The following GGACT variants were observed in gnomAD, a reference collection of about 807,000 sequenced individuals.
GGACT encodes gamma-glutamylamine cyclotransferase, also known as gamma-glutamylaminecyclotransferase.
For missense variants in GGACT, 241 were observed against 233.2 expected, an observed-to-expected ratio of 1.03 and a Z score of -0.22; for synonymous variants, 118 against 115.3, an observed-to-expected ratio of 1.02 and a Z score of -0.15.
At chr13:100,546,361 CA>C (rs778470021) in intron 2 of GGACT, among the ~76,000 whole-genome samples, 4,631 of 54,684 alleles carry the variant, frequency 0.085, 42 homozygotes, top group Admixed American at 0.11. Context: ...GACTCTGTCT[CA>C]AAAAAAAAAA....
intron 2 of GGACT, among the ~76,000 whole-genome samples, chr13:100,575,907 A>C (rs992722218): frequency 6.6e-6 from 1 of 152,256 alleles, no homozygotes; most frequent in Non-Finnish European, 1.5e-5. Context: ...TGGCAAAAGC[A>C]AACATGGCAC....
chr13:100,584,587 A>T (rs1875510786), intron 1 of GGACT, among the ~76,000 whole-genome samples: 1 of 152,218 alleles, frequency 6.6e-6, no homozygotes, highest in Non-Finnish European at 1.5e-5. Context: ...GACTATAGTC[A>T]GTAATAATGT....
At chr13:100,541,304 C>T (rs1594184516) in intron 2 of GGACT, among the ~76,000 whole-genome samples, 1 of 150,856 alleles carries the variant, frequency 6.6e-6, no homozygotes, top group African/African-American at 2.4e-5. Context: ...AAACAATCCA[C>T]TGTGCCATAA....
At position 100,534,827 on chromosome 13, in the gene GGACT, TCTC is replaced by T. The variant is rs2088468666; in HGVS notation, c.-10-2229_-10-2227del. Among the ~76,000 whole-genome samples the T allele has an allele frequency of 6.6e-6, 1 of 152,032 alleles. No homozygotes were observed. Among genetic ancestry groups the T allele is most frequent in the African/African-American group, 2.4e-5 (1 of 41,388 alleles). ...GCACCACCCAGAGGGTCCTTGTCAA[TCTC>T]CTGCTGCAGACTTAACTCTCCCACC... On this transcript the variant is annotated intron_variant, in intron 2 of 2. Transcript: ENST00000683975. This position sits in a 1 kb window ranked among gnomAD's most constrained non-coding sequence, Gnocchi z 4.9.
intron 2 of GGACT, among the ~76,000 whole-genome samples, chr13:100,551,590 G>A (rs186417165): frequency 2.8e-4 from 42 of 152,272 alleles, no homozygotes; most frequent in African/African-American, 1.0e-3. Context: ...CACCTTAAAA[G>A]TGTTCAACCC....
chr13:100,558,886 G>A (rs1429022845), intron 2 of GGACT, among the ~76,000 whole-genome samples: 1 of 152,110 alleles, frequency 6.6e-6, no homozygotes, highest in Non-Finnish European at 1.5e-5. Flanking sequence ...ACAGTTAGAT[G>A]AGAGGAGTTA....
chr13:100,544,543 G>C (rs569784393), intron 2 of GGACT, among the ~76,000 whole-genome samples: 2 of 152,182 alleles, frequency 1.3e-5, no homozygotes, highest in African/African-American at 4.8e-5. Flanking sequence ...CACCGGCCCC[G>C]GTAAAACGCT....
chr13:100,546,016 A>C (rs957529881), intron 2 of GGACT, among the ~76,000 whole-genome samples: 4 of 152,210 alleles, frequency 2.6e-5, no homozygotes, highest in African/African-American at 9.6e-5. Context: ...GTGTTGATAG[A>C]ATATGTGCAC....
At chr13:100,562,255 A>T (rs1360962561) in intron 2 of GGACT, among the ~76,000 whole-genome samples, 2 of 152,156 alleles carry the variant, frequency 1.3e-5, no homozygotes, top group East Asian at 3.9e-4. Flanking sequence ...ATTCTCTACA[A>T]CTAAGCTCGG....
chr13:100,578,874 T>C (rs1249989561), intron 2 of GGACT: 1 of 152,218 alleles, frequency 6.6e-6, no homozygotes, highest in African/African-American at 2.4e-5. Flanking sequence ...ATTAATTTTC[T>C]TTAACTTACC....
At chr13:100,535,913 C>A (rs2088484947) in intron 2 of GGACT, 2 of 152,180 alleles carry the variant, frequency 1.3e-5, no homozygotes, top group South Asian at 4.2e-4. Flanking sequence ...GTCCTCCCTG[C>A]CAGCTCTAGT....
chr13:100,546,430 C>T (rs1052818146), intron 2 of GGACT, among the ~76,000 whole-genome samples: 4 of 149,288 alleles, frequency 2.7e-5, no homozygotes, highest in South Asian at 4.4e-4. Flanking sequence ...TCTGTGATTC[C>T]ACGAGTTAAA....
At chr13:100,562,316 A>G (rs2088770157) in intron 2 of GGACT, among the ~76,000 whole-genome samples, 3 of 152,168 alleles carry the variant, frequency 2.0e-5, no homozygotes, top group East Asian at 1.9e-4. Context: ...TTAGTTTTGC[A>G]CAGAAAAAAA....
intron 2 of GGACT, among the ~76,000 whole-genome samples, chr13:100,544,084 G>A (rs1481721333): frequency 6.6e-6 from 1 of 152,210 alleles, no homozygotes; most frequent in African/African-American, 2.4e-5. Context: ...CACATGCGAT[G>A]TTGTGCACGT....
intron 1 of GGACT, among the ~76,000 whole-genome samples, chr13:100,586,502 C>T (rs1392320027): frequency 6.7e-6 from 1 of 149,634 alleles, no homozygotes; most frequent in Non-Finnish European, 1.5e-5. Context: ...CACCCCTCCT[C>T]TCGCGGAGTC....
At chr13:100,532,687 T>G (rs1455541715) in intron 2 of GGACT, 86 bp from the exon 3 acceptor site, 1 of 1,083,806 alleles carries the variant, frequency 9.2e-7, no homozygotes, top group Non-Finnish European at 1.3e-6. Flanking sequence ...CCACAGAGCC[T>G]CCACTGGGGC....
intron 2 of GGACT, among the ~76,000 whole-genome samples, chr13:100,560,714 G>A (rs975036705): frequency 5.3e-5 from 8 of 152,204 alleles, no homozygotes; most frequent in African/African-American, 1.9e-4. Flanking sequence ...AGCCTCCCCA[G>A]GTTTTATTCT....
intron 2 of GGACT, among the ~76,000 whole-genome samples, chr13:100,564,893 G>A (rs2088797880): frequency 6.6e-6 from 1 of 152,200 alleles, no homozygotes; most frequent in Non-Finnish European, 1.5e-5. Flanking sequence ...CCAAGGCCCA[G>A]GTCACCCTTC....
chr13:100,572,311 TG>T (rs1273532453), intron 2 of GGACT, among the ~76,000 whole-genome samples: 2 of 152,218 alleles, frequency 1.3e-5, no homozygotes, highest in Admixed American at 1.3e-4. Context: ...AGACAAATGC[TG>T]TAAGATTCCA....
Sources: allele counts gnomAD v4.1 joint callset (sites outside exome capture counted in the v4.1 genomes callset), GRCh38; gene constraint gnomAD v4.1.1; non-coding constraint Gnocchi (gnomAD v3.1); transcripts MANE v1.5; gene names NCBI Gene and HGNC (gene_info 2026-07-23, HGNC 2026-07-21).